The following PKNOX2 variants were observed in gnomAD, a reference collection of about 807,000 sequenced individuals.
PKNOX2 encodes PBX/knotted 1 homeobox 2, also known as homeobox protein PKNOX2.
A neutral mutation model predicts 53.1 loss-of-function variants in PKNOX2; 14 were observed. The ratio of observed to expected loss-of-function variants is 0.26; its 90% CI spans 0.17 to 0.41. The LOEUF is 0.41. Ranked by LOEUF, PKNOX2 falls within the 10% of genes least tolerant of loss-of-function variation. PKNOX2 has a pLI of 1.00. For missense variants in PKNOX2, 496 were observed against 602.8 expected (o/e 0.82, Z 1.85); for synonymous variants, 257 against 242.8 (o/e 1.06, Z -0.54).
rs191363689 is a variant in PKNOX2 at position 125,388,202 on chromosome 11, C to T, written c.399+2480C>T. On this transcript the variant is annotated intron_variant, in intron 6 of 12. Coordinates refer to ENST00000298282, the MANE Select transcript of PKNOX2 (RefSeq NM_001382323.2). ...AGTGGGAGGTAAAGAGGCCAACCAC[C>T]GGAGCCATCATTAGAACAAGAATCA... is the stretch of plus-strand genomic sequence containing the variant. 2.6e-3 allele frequency among the ~76,000 whole-genome samples: 396 copies of T among 152,050 alleles called. 3 individuals are homozygous for T. The highest frequency in any genetic ancestry group is 3.7e-3 in the Non-Finnish European group (254 of 67,978).
intron 5 of PKNOX2, among the ~76,000 whole-genome samples, chr11:125,382,229 G>GTGT: frequency 6.6e-6 from 1 of 152,294 alleles, no homozygotes; most frequent in Admixed American, 6.5e-5. Context: ...ACAACACTGC[G>GTGT]TGTGCACACA....
At position 125,392,735 on chromosome 11, in the gene PKNOX2, CTG is replaced by C. The variant is rs201600054; in HGVS notation, c.400-5135_400-5134del. ...AATGAATAGGTAAGTGCACTTTTCT[CTG>C]TGTATGTGTGAATATATGTATGTGT... On this transcript the variant is annotated intron_variant, in intron 6 of 12. Transcript: ENST00000298282. Among the ~76,000 whole-genome samples the C allele has an allele frequency of 7.4e-3, 1,121 of 151,712 alleles. 11 individuals are homozygous for C. Among genetic ancestry groups the C allele is most frequent in the African/African-American group, 0.026 (1,078 of 41,318 alleles).
At chr11:125,294,609 G>A (rs574253369) in intron 2 of PKNOX2, among the ~76,000 whole-genome samples, 46 of 152,298 alleles carry the variant, frequency 3.0e-4, no homozygotes, top group Middle Eastern at 6.8e-3. Flanking sequence ...GGAAGGGTTC[G>A]TGTGCACAGG....
chr11:125,216,728 TCCTC>T (rs1940547314), intron 1 of PKNOX2, among the ~76,000 whole-genome samples: 1 of 152,030 alleles, frequency 6.6e-6, no homozygotes. Context: ...CGAAGGTGCT[TCCTC>T]CCTCCCTCCT....
At chr11:125,238,831 G>A (rs1303717013) in intron 2 of PKNOX2, among the ~76,000 whole-genome samples, 1 of 152,218 alleles carries the variant, frequency 6.6e-6, no homozygotes, top group Non-Finnish European at 1.5e-5. Context: ...AGATTTTCAA[G>A]GCTCCAGCTT....
intron 6 of PKNOX2, among the ~76,000 whole-genome samples, chr11:125,395,946 G>A (rs895721714): frequency 6.6e-6 from 1 of 150,694 alleles, no homozygotes; most frequent in Non-Finnish European, 1.5e-5. Context: ...GTTCCTCACT[G>A]GATCATCTTT....
chr11:125,204,278 G>A (rs1369954816), intron 1 of PKNOX2, among the ~76,000 whole-genome samples: 3 of 152,164 alleles, frequency 2.0e-5, no homozygotes, highest in Non-Finnish European at 4.4e-5. Flanking sequence ...GGTGATTAAA[G>A]CTGTGTTTCT....
At chr11:125,296,176 C>CA (rs1266797206) in intron 2 of PKNOX2, among the ~76,000 whole-genome samples, 1 of 151,498 alleles carries the variant, frequency 6.6e-6, no homozygotes, top group Non-Finnish European at 1.5e-5. Flanking sequence ...TCTTCTCAGC[C>CA]TTTTTTTTTC....
At chr11:125,216,423 G>A (rs1940500424) in intron 1 of PKNOX2, among the ~76,000 whole-genome samples, 1 of 152,170 alleles carries the variant, frequency 6.6e-6, no homozygotes, top group East Asian at 1.9e-4. Context: ...ATAAACTCAG[G>A]GCAGTCCTGG....
intron 2 of PKNOX2, among the ~76,000 whole-genome samples, chr11:125,241,884 A>AAG (rs916429769): frequency 5.3e-5 from 8 of 151,738 alleles, no homozygotes; most frequent in African/African-American, 1.2e-4. Flanking sequence ...TGAACAAAAA[A>AAG]AGAGAGAGAG....
chr11:125,175,132 AG>A (rs1394496974), intron 1 of PKNOX2, among the ~76,000 whole-genome samples: 1 of 152,000 alleles, frequency 6.6e-6, no homozygotes, highest in Non-Finnish European at 1.5e-5. Context: ...TCTAGATTGT[AG>A]GGGGAGCCTC....
chr11:125,258,153 C>A (rs1944557452), intron 2 of PKNOX2, among the ~76,000 whole-genome samples: 1 of 152,192 alleles, frequency 6.6e-6, no homozygotes, highest in Non-Finnish European at 1.5e-5. Flanking sequence ...CCCACCCCAG[C>A]ACCCCTGCAA....
chr11:125,336,887 G>A (rs1284339833), intron 3 of PKNOX2, among the ~76,000 whole-genome samples: 1 of 146,814 alleles, frequency 6.8e-6, no homozygotes, highest in African/African-American at 2.5e-5. Flanking sequence ...ATCATATGAG[G>A]TATATTATGT....
intron 2 of PKNOX2, among the ~76,000 whole-genome samples, chr11:125,246,116 T>A (rs1277969638): frequency 1.3e-5 from 2 of 152,324 alleles, no homozygotes; most frequent in East Asian, 3.9e-4. Flanking sequence ...TGTTTTGTGC[T>A]ACTGTAACAG....
At chr11:125,260,813 G>A (rs947434149) in intron 2 of PKNOX2, among the ~76,000 whole-genome samples, 1 of 152,182 alleles carries the variant, frequency 6.6e-6, no homozygotes, top group African/African-American at 2.4e-5. Flanking sequence ...CTATACAAGA[G>A]ATGTTTACTG....
chr11:125,289,521 T>G (rs1030955304), intron 2 of PKNOX2, among the ~76,000 whole-genome samples: 8 of 152,190 alleles, frequency 5.3e-5, no homozygotes, highest in South Asian at 4.1e-4. Context: ...ATCAGGTCAT[T>G]TTCTTATTCT....
intron 2 of PKNOX2, among the ~76,000 whole-genome samples, chr11:125,307,722 G>T (rs1948557330): frequency 6.6e-6 from 1 of 152,210 alleles, no homozygotes; most frequent in Admixed American, 6.5e-5. Context: ...TGGTGAACAG[G>T]CCAGGACTAG....
chr11:125,416,157 G>T (rs1245792225), intron 10 of PKNOX2, among the ~76,000 whole-genome samples: 1 of 151,430 alleles, frequency 6.6e-6, no homozygotes. Context: ...CAAAAAATTA[G>T]CCGGGCGTGG....
rs375379902 is a variant in PKNOX2, at chr11:125,431,424, C to T, written c.*32C>T. 1.9e-5 allele frequency: 26 copies of T among 1,386,930 alleles called. No individual in the cohort carries two copies. The African/African-American group carries it at 3.5e-4, about 19-fold the overall frequency. 85.9% of individuals were successfully genotyped at this position (1,386,930 alleles called of 1,614,324 possible). A position where few individuals can be genotyped will look rare whatever the true frequency, so the allele number is the denominator to read the frequency against. The stretch of plus-strand genomic sequence containing the variant: ...AGCCCAGATGGCACTGATCACTGAG[C>T]AGGAGAGGAGTGTCGCCGGGAGGCC... On this transcript the variant is annotated 3_prime_UTR_variant, in exon 13 of 13. Coordinates refer to ENST00000298282, the MANE Select transcript of PKNOX2 (RefSeq NM_001382323.2).
Sources: gnomAD v4.1 joint callset for allele counts (sites outside exome capture counted in the v4.1 genomes callset) on GRCh38, gnomAD v4.1.1 for gene constraint, MANE v1.5 for transcripts, NCBI Gene and HGNC (gene_info 2026-07-23, HGNC 2026-07-21) for gene names.